Variants in PCNX2 observed in about 807,000 individuals in gnomAD.
The protein encoded by PCNX2 is pecanex-like protein 2.
PCNX2 carries 168 observed loss-of-function variants against 223.8 expected under a neutral mutation model. The observed-to-expected ratio is 0.75, with a 90% CI of 0.66 to 0.85. The LOEUF (loss-of-function observed/expected upper bound fraction) is 0.85, where lower values mean the gene tolerates loss of function less well. PCNX2 is among the 40% of genes least tolerant of loss of function. The pLI is 0.00. For synonymous variants in PCNX2, 1,006 were observed against 1,052.6 expected (o/e 0.96, Z 0.86); for missense variants, 2,507 against 2,675.5 (o/e 0.94, Z 1.39).
chr1:233,087,690 G>C (rs962867464), intron 23 of PCNX2, among the ~76,000 whole-genome samples: 2 of 152,144 alleles, frequency 1.3e-5, no homozygotes, highest in Admixed American at 1.3e-4. Context: ...CAGCAGATGG[G>C]CCAGAGGACG....
intron 25 of PCNX2, among the ~76,000 whole-genome samples, chr1:233,032,519 T>A (rs1003490872): frequency 2.6e-5 from 4 of 152,220 alleles, no homozygotes; most frequent in African/African-American, 9.6e-5. Context: ...CATTCCAATT[T>A]TCCCCTTCCT....
At chr1:233,081,282 G>T (rs572457252) in intron 23 of PCNX2, among the ~76,000 whole-genome samples, 29 of 152,264 alleles carry the variant, frequency 1.9e-4, no homozygotes, top group Non-Finnish European at 3.5e-4. Flanking sequence ...GGAGGCGGAG[G>T]TTGTAGTGAG....
At chr1:233,313,118 G>A in the PCNX2 span, among the ~76,000 whole-genome samples, 1 of 152,188 alleles carries the variant, frequency 6.6e-6, no homozygotes, top group Non-Finnish European at 1.5e-5. Context: ...GCTCAAAGGA[G>A]TATATGATTC....
intron 8 of PCNX2, among the ~76,000 whole-genome samples, chr1:233,242,684 G>A (rs573068274): frequency 6.6e-6 from 1 of 152,206 alleles, no homozygotes; most frequent in Non-Finnish European, 1.5e-5. Context: ...CTACTGAGTA[G>A]TAATAAAACT....
intron 13 of PCNX2, among the ~76,000 whole-genome samples, chr1:233,207,504 C>T (rs1008761837): frequency 5.9e-5 from 9 of 152,278 alleles, no homozygotes; most frequent in South Asian, 2.1e-4. Flanking sequence ...CATATGCCGT[C>T]GGGTCAATAC....
chr1:233,136,584 C>A (rs1473369214), intron 20 of PCNX2, among the ~76,000 whole-genome samples: 2 of 152,144 alleles, frequency 1.3e-5, no homozygotes, highest in Non-Finnish European at 2.9e-5. Context: ...TCCATGCATA[C>A]ATCACATGGG....
At chr1:233,199,756 A>C (rs572996941) in intron 14 of PCNX2, among the ~76,000 whole-genome samples, 1 of 152,072 alleles carries the variant, frequency 6.6e-6, no homozygotes, top group Admixed American at 6.5e-5. Flanking sequence ...GGCTCACCAC[A>C]TTGATGCACT....
At chr1:233,310,193 G>T in the PCNX2 span, among the ~76,000 whole-genome samples, 1 of 151,992 alleles carries the variant, frequency 6.6e-6, no homozygotes, top group Non-Finnish European at 1.5e-5. Flanking sequence ...AAAATTAGAG[G>T]CTAATAGCCA....
In PCNX2 at chr1:233,236,998, A is replaced by C. The variant is rs756826239; in HGVS notation, c.2223-18T>G. 1.1e-5 allele frequency: 18 copies of C among 1,613,428 alleles called. No individual in the cohort carries two copies. The highest frequency in any genetic ancestry group is 1.7e-5 in the Admixed American group (1 of 59,952). Reference sequence around the variant, plus strand: ...GCATCTCTCTGAGGATGGGCAAAACAAAAGCTTTGGTTACCTGGTAATACC... The same window carrying C: ...GCATCTCTCTGAGGATGGGCAAAACCAAAGCTTTGGTTACCTGGTAATACC... On this transcript the variant is annotated intron_variant, in intron 8 of 33. Transcript: ENST00000258229.
At chr1:233,046,927 G>T (rs929323478) in intron 25 of PCNX2, among the ~76,000 whole-genome samples, 3 of 152,180 alleles carry the variant, frequency 2.0e-5, no homozygotes, top group African/African-American at 7.2e-5. Context: ...ACCAGAATGT[G>T]GCAGAAATGA....
Position 233,258,996 on chromosome 1 carries a change from C to T in PCNX2, c.866G>A (p.Ser289Asn), listed in dbSNP as rs536003904. 2 of 1,613,944 alleles carry T rather than the reference C, an allele frequency of 1.2e-6. No individual in the cohort carries two copies. The highest frequency in any genetic ancestry group is 1.1e-5 in the South Asian group (1 of 91,078). The change falls in exon 5 of 34, where the codon AGT becomes AAT. Residue 289 changes from serine (S) to asparagine (N), a missense_variant. Transcript: ENST00000258229. Reference sequence around the variant, plus strand: ...TTCCCTTATGGAGCCCCGGGGACAACTGACAGGTTCTGGAATCAGGACTGA... The same window carrying T: ...TTCCCTTATGGAGCCCCGGGGACAATTGACAGGTTCTGGAATCAGGACTGA... ...ENSVLIPEPV[S>N]CPRGSIRERV... is the part of the protein sequence containing the mutation.
intron 3 of PCNX2, 135 bp downstream of exon 3, chr1:233,261,910 T>C (rs1660068342): frequency 7.4e-7 from 1 of 1,351,104 alleles, no homozygotes. Flanking sequence ...GACCCTGGGA[T>C]GTGATATTCC....
chr1:233,072,413 G>A (rs949236356), intron 23 of PCNX2, among the ~76,000 whole-genome samples: 2 of 152,072 alleles, frequency 1.3e-5, no homozygotes, highest in African/African-American at 4.8e-5. Flanking sequence ...GTCCCTCATT[G>A]CTTGTTTTTG....
intron 21 of PCNX2, among the ~76,000 whole-genome samples, chr1:233,124,830 A>G (rs1413962971): frequency 1.3e-5 from 2 of 152,248 alleles, no homozygotes; most frequent in African/African-American, 4.8e-5. Flanking sequence ...CAGGTAATAA[A>G]TACATCATAT....
chr1:233,195,016 C>CAA (rs574552463), intron 15 of PCNX2, among the ~76,000 whole-genome samples: 1,027 of 63,324 alleles, frequency 0.016, 24 homozygotes, highest in African/African-American at 0.045. Context: ...GATTCCATCT[C>CAA]AAAAAAAAAA....
At chr1:233,077,778 C>A (rs1474898675) in intron 23 of PCNX2, among the ~76,000 whole-genome samples, 4 of 151,838 alleles carry the variant, frequency 2.6e-5, no homozygotes, top group African/African-American at 9.7e-5. Context: ...TTTTCTAATT[C>A]TCATGTATAT....
At chr1:233,236,747 G>A in intron 9 of PCNX2, 98 bp downstream of exon 9, 1 of 1,512,830 alleles carries the variant, frequency 6.6e-7, no homozygotes, top group South Asian at 1.3e-5. Context: ...TTCAGGGAAA[G>A]AGCTGACTAA....
At chr1:233,216,543 A>G (rs978964409) in intron 12 of PCNX2, among the ~76,000 whole-genome samples, 5 of 152,208 alleles carry the variant, frequency 3.3e-5, no homozygotes, top group Non-Finnish European at 7.3e-5. Flanking sequence ...ACAAAAGATA[A>G]CAAGTGTTGG....
chr1:233,210,759 T>G (rs1681769658), intron 12 of PCNX2, among the ~76,000 whole-genome samples: 1 of 152,176 alleles, frequency 6.6e-6, no homozygotes, highest in Admixed American at 6.5e-5. Flanking sequence ...TCTTAAAAAC[T>G]CATTTGACAC....
Sources: allele counts gnomAD v4.1 joint callset (sites outside exome capture counted in the v4.1 genomes callset), GRCh38; gene constraint gnomAD v4.1.1; transcripts MANE v1.5; gene names NCBI Gene and HGNC (gene_info 2026-07-23, HGNC 2026-07-21).